The following DCDC1 variants were observed in gnomAD, a reference collection of about 807,000 sequenced individuals.
DCDC1 encodes doublecortin domain-containing protein 1.
DCDC1 carries 200 observed loss-of-function variants against 178.3 expected under a neutral mutation model. The observed-to-expected ratio is 1.12, with a 90% CI of 1.00 to 1.26. The LOEUF is 1.26. Among genes scored for constraint, DCDC1 ranks in the 50% most tolerant of loss-of-function variants. The pLI, the probability that DCDC1 is intolerant of heterozygous loss-of-function variation, is 0.00. For missense variants in DCDC1, 1,983 were observed against 1,749.2 expected, an observed-to-expected ratio of 1.13 and a Z score of -2.38; for synonymous variants, 690 against 604.8, an observed-to-expected ratio of 1.14 and a Z score of -2.07.
intron 21 of DCDC1, chr11:30,944,248 T>C (rs1413954152): frequency 4.5e-6 from 2 of 448,444 alleles, no homozygotes; most frequent in African/African-American, 4.0e-5. Context: ...TTCTTGTTTC[T>C]TCCTTGTTGA....
intron 9 of DCDC1, among the ~76,000 whole-genome samples, chr11:31,149,391 TCAATCAGCACTCTGTAAAATGGAC>T (rs1484889949): frequency 5.3e-5 from 8 of 151,922 alleles, no homozygotes; most frequent in Middle Eastern, 6.8e-3. Flanking sequence ...ATAAAATGGA[TCAATCAGCACTCTGTAAAATGGAC>T]CAATCAGCAC....
chr11:30,875,572 G>A (rs1942042211), intron 38 of DCDC1, among the ~76,000 whole-genome samples: 1 of 151,752 alleles, frequency 6.6e-6, no homozygotes. Flanking sequence ...CTGCCATGGT[G>A]AATCACAAAT....
chr11:30,939,975 G>A (rs763489271), intron 21 of DCDC1, among the ~76,000 whole-genome samples: 13 of 151,850 alleles, frequency 8.6e-5, no homozygotes, highest in Non-Finnish European at 1.6e-4. Context: ...CTCTTCTTGG[G>A]TCCATTTTGT....
At chr11:31,349,859 C>T (rs897965486) in intron 1 of DCDC1, among the ~76,000 whole-genome samples, 2 of 152,140 alleles carry the variant, frequency 1.3e-5, no homozygotes, top group African/African-American at 4.8e-5. Flanking sequence ...AAAATACATA[C>T]AGCTGGGTTC....
intron 9 of DCDC1, among the ~76,000 whole-genome samples, chr11:31,149,189 A>G (rs1374552919): frequency 6.6e-6 from 1 of 152,194 alleles, no homozygotes; most frequent in African/African-American, 2.4e-5. Context: ...GCATATGTGC[A>G]TGTGTCTTTT....
intron 9 of DCDC1, among the ~76,000 whole-genome samples, chr11:31,220,334 ATACT>A (rs1320725889): frequency 6.6e-6 from 1 of 152,194 alleles, no homozygotes; most frequent in Non-Finnish European, 1.5e-5. Context: ...ACTATTTTTG[ATACT>A]TAATACTAAA....
chr11:30,998,759 T>C (rs1391609202), intron 20 of DCDC1, among the ~76,000 whole-genome samples: 1 of 152,152 alleles, frequency 6.6e-6, no homozygotes, highest in African/African-American at 2.4e-5. Context: ...AATTTTTTAA[T>C]GGTCCTCCCT....
chr11:30,920,974 A>T, intron 24 of DCDC1, 39 bp from the exon 25 acceptor site: 1 of 1,565,262 alleles, frequency 6.4e-7, no homozygotes, highest in South Asian at 1.2e-5. Context: ...CATATTACTT[A>T]CAATTGCAGA....
At chr11:30,975,170 CA>C (rs370490887) in intron 20 of DCDC1, among the ~76,000 whole-genome samples, 58 of 152,140 alleles carry the variant, frequency 3.8e-4, no homozygotes, top group African/African-American at 1.3e-3. Flanking sequence ...TAAAATTTAA[CA>C]TTTCTTCATG....
intron 8 of DCDC1, among the ~76,000 whole-genome samples, chr11:31,251,767 A>G (rs959386571): frequency 5.3e-5 from 8 of 152,178 alleles, no homozygotes; most frequent in African/African-American, 1.9e-4. Flanking sequence ...TAAAGACCTT[A>G]ACATAAGTAG....
chr11:31,065,760 C>A (rs1402822687), intron 18 of DCDC1, among the ~76,000 whole-genome samples: 1 of 152,108 alleles, frequency 6.6e-6, no homozygotes, highest in Non-Finnish European at 1.5e-5. Flanking sequence ...ATGAGGCACA[C>A]GAAAATCATG....
chr11:31,260,384 A>G (rs1031581248), intron 8 of DCDC1, among the ~76,000 whole-genome samples: 1 of 152,212 alleles, frequency 6.6e-6, no homozygotes, highest in East Asian at 1.9e-4. Context: ...ATTCATCTCT[A>G]TGTTATTGGA....
intron 20 of DCDC1, among the ~76,000 whole-genome samples, chr11:30,971,408 C>G (rs2134685047): frequency 1.3e-5 from 2 of 151,714 alleles, no homozygotes; most frequent in South Asian, 4.2e-4. Flanking sequence ...TACAGATAAA[C>G]AATACAAAGA....
At chr11:31,302,523 T>C (rs1271264778) in intron 6 of DCDC1, among the ~76,000 whole-genome samples, 3 of 152,202 alleles carry the variant, frequency 2.0e-5, no homozygotes, top group African/African-American at 4.8e-5. Context: ...ACAGTATTTA[T>C]ATAAAATATT....
chr11:30,983,716 G>A (rs1258928963), intron 20 of DCDC1, among the ~76,000 whole-genome samples: 2 of 152,150 alleles, frequency 1.3e-5, no homozygotes, highest in Non-Finnish European at 2.9e-5. Flanking sequence ...TTCAAGGAAA[G>A]CTATATTTTT....
intron 1 of DCDC1, among the ~76,000 whole-genome samples, chr11:31,369,413 T>C (rs954227769): frequency 1.3e-5 from 2 of 152,160 alleles, no homozygotes; most frequent in Admixed American, 6.5e-5. Context: ...AATTAGAACA[T>C]TGTAAAGGAA....
chr11:31,290,519 G>C, intron 7 of DCDC1, 128 bp downstream of exon 7: 1 of 1,026,330 alleles, frequency 9.7e-7, no homozygotes, highest in East Asian at 2.6e-5. Context: ...GAATTTTTTA[G>C]TTCTATATAA....
At chr11:31,033,287 C>T (rs756190631) in intron 20 of DCDC1, among the ~76,000 whole-genome samples, 4 of 152,092 alleles carry the variant, frequency 2.6e-5, no homozygotes, top group Non-Finnish European at 5.9e-5. Flanking sequence ...TGTATACACA[C>T]ACATACACAC....
intron 9 of DCDC1, among the ~76,000 whole-genome samples, chr11:31,178,496 G>T (rs532837548): frequency 6.6e-6 from 1 of 152,166 alleles, no homozygotes; most frequent in Non-Finnish European, 1.5e-5. Context: ...ACTCAAAAGC[G>T]CAGACAAGTA....
Sources: allele counts gnomAD v4.1 joint callset (sites outside exome capture counted in the v4.1 genomes callset), GRCh38; gene constraint gnomAD v4.1.1; transcripts MANE v1.5; gene names NCBI Gene and HGNC (gene_info 2026-07-23, HGNC 2026-07-21).